Variants in SLAIN1 observed in about 807,000 individuals in gnomAD.
SLAIN1 encodes SLAIN motif-containing protein 1.
SLAIN1 carries 17 observed loss-of-function variants against 55.4 expected under a neutral mutation model. That is an observed-to-expected ratio of 0.31 (90% CI 0.21 to 0.46). The LOEUF (loss-of-function observed/expected upper bound fraction) is 0.46, where lower values mean the gene tolerates loss of function less well. SLAIN1 is among the 20% of genes least tolerant of loss of function. The pLI, the probability that SLAIN1 is intolerant of heterozygous loss-of-function variation, is 1.00. For synonymous variants in SLAIN1, 348 were observed against 337.4 expected, an observed-to-expected ratio of 1.03 and a Z score of -0.35; for missense variants, 682 against 785.1, an observed-to-expected ratio of 0.87 and a Z score of 1.57.
chr13:77,714,270 A>G (rs958154532), intron 1 of SLAIN1, among the ~76,000 whole-genome samples: 5 of 152,130 alleles, frequency 3.3e-5, no homozygotes, highest in African/African-American at 1.2e-4. Flanking sequence ...TGTGGTATTC[A>G]TGGCTTTTTA....
chr13:77,753,888 G>T (rs965241741), intron 5 of SLAIN1, among the ~76,000 whole-genome samples: 2 of 151,910 alleles, frequency 1.3e-5, no homozygotes, highest in Non-Finnish European at 2.9e-5. Flanking sequence ...AGTAGTTTTT[G>T]TCCACTCTAT....
intron 5 of SLAIN1, among the ~76,000 whole-genome samples, chr13:77,756,616 A>G (rs1327151640): frequency 1.3e-5 from 2 of 152,170 alleles, no homozygotes; most frequent in South Asian, 2.1e-4. Flanking sequence ...ATGAGTGCAT[A>G]TGATCACCAA....
intron 4 of SLAIN1, among the ~76,000 whole-genome samples, chr13:77,748,398 CTTTTTTTTTTTTT>C (rs934265928): frequency 6.3e-5 from 5 of 79,564 alleles, no homozygotes; most frequent in Non-Finnish European, 9.7e-5. Context: ...TTCTCTAAAG[CTTTTTTTTTTTTT>C]TTTTTTTTTT....
At position 77,746,840 on chromosome 13, in the gene SLAIN1, A is replaced by G; in HGVS notation, c.1243A>G (p.Asn415Asp). 6.2e-7 allele frequency: 1 copy of G among 1,612,372 alleles called. No individual in the cohort carries two copies. Among genetic ancestry groups the G allele is most frequent in the Non-Finnish European group, 8.5e-7 (1 of 1,178,766 alleles). The change falls in exon 4 of 7, where the codon AAT becomes GAT. Residue 415 changes from asparagine (N) to aspartate (D), a missense_variant. By Grantham distance (23) the Asn-to-Asp change is conservative (BLOSUM62 1). Transcript: ENST00000418532. ...AGCCCAAACTCCAGATCAGCAACCA[A>G]ATAGGACCAATGGAGGTAGGTTGTA... ...PQAQTPDQQP[N>D]RTNGDKLRRS... is the part of the protein sequence containing the mutation.
At chr13:77,700,071 T>C (rs886575368) in intron 1 of SLAIN1, among the ~76,000 whole-genome samples, 2 of 152,242 alleles carry the variant, frequency 1.3e-5, no homozygotes, top group African/African-American at 4.8e-5. Context: ...AGTTTTATGC[T>C]TAAAATATTT....
intron 2 of SLAIN1, among the ~76,000 whole-genome samples, chr13:77,742,315 T>A (rs1359187918): frequency 6.6e-6 from 1 of 152,028 alleles, no homozygotes; most frequent in African/African-American, 2.4e-5. Flanking sequence ...AATATGTATG[T>A]TTAATGCAGA....
chr13:77,703,921 AT>A (rs530688108), intron 1 of SLAIN1, among the ~76,000 whole-genome samples: 25 of 119,494 alleles, frequency 2.1e-4, no homozygotes, highest in South Asian at 5.3e-4. Flanking sequence ...ACACATATAT[AT>A]TTTTATATGT....
chr13:77,742,271 T>C (rs993235545), intron 2 of SLAIN1, among the ~76,000 whole-genome samples: 4 of 152,076 alleles, frequency 2.6e-5, no homozygotes, highest in African/African-American at 9.7e-5. Context: ...TAATAACATG[T>C]ATATTCCTAC....
intron 4 of SLAIN1, among the ~76,000 whole-genome samples, chr13:77,752,494 C>T (rs1018271330): frequency 4.6e-5 from 7 of 151,916 alleles, no homozygotes; most frequent in Non-Finnish European, 8.8e-5. Flanking sequence ...AGTTAGGGTT[C>T]TCTAGAGGGA....
intron 2 of SLAIN1, among the ~76,000 whole-genome samples, chr13:77,741,005 T>C (rs1873399838): frequency 6.6e-6 from 1 of 152,096 alleles, no homozygotes; most frequent in Admixed American, 6.6e-5. Context: ...TAGACGCTAA[T>C]TGTGTTCCTA....
chr13:77,725,788 C>T (rs971442608), intron 2 of SLAIN1, among the ~76,000 whole-genome samples: 10 of 152,120 alleles, frequency 6.6e-5, no homozygotes, highest in Non-Finnish European at 1.3e-4. Flanking sequence ...AAGTTAGCCA[C>T]GGTGGTAAGT....
At chr13:77,760,742 T>C (rs1874948415) in intron 5 of SLAIN1, 86 bp from the exon 6 acceptor site, 1 of 1,421,658 alleles carries the variant, frequency 7.0e-7, no homozygotes, top group South Asian at 1.3e-5. Flanking sequence ...CTCTCAGGCA[T>C]AATGGACTCT....
At chr13:77,703,608 A>G (rs2091052455) in intron 1 of SLAIN1, among the ~76,000 whole-genome samples, 1 of 151,970 alleles carries the variant, frequency 6.6e-6, no homozygotes, top group Admixed American at 6.6e-5. Context: ...GGTGGAGGGA[A>G]AGTTTGTTAT....
chr13:77,735,054 A>AT (rs1414161784), intron 2 of SLAIN1, among the ~76,000 whole-genome samples: 3 of 152,014 alleles, frequency 2.0e-5, no homozygotes, highest in Admixed American at 6.6e-5. Flanking sequence ...AAATAAATAA[A>AT]AAAGAATGTA....
Position 77,698,246 on chromosome 13 carries a change from T to G in SLAIN1, c.333T>G (p.Gly111=). Reference sequence around the variant, plus strand: ...GCGCGGGGGGCGGTGGCGGCAGCGGTAGTGGCAGCGGCGGTGGCTCCAGCC... The same window carrying G: ...GCGCGGGGGGCGGTGGCGGCAGCGGGAGTGGCAGCGGCGGTGGCTCCAGCC... ...ALGAGGGGGS[G]SGSGGGSSPA... The change falls in exon 1 of 7, where the codon GGT becomes GGG. Residue 111 remains glycine, a synonymous_variant. Transcript: ENST00000418532. The surrounding 1 kb of genome is among the most constrained non-coding windows in gnomAD (Gnocchi z 4.1). 7.3e-7 allele frequency: 1 copy of G among 1,379,144 alleles called. No individual in the cohort carries two copies. The highest frequency in any genetic ancestry group is 9.4e-7 in the Non-Finnish European group (1 of 1,061,128). 85.4% of individuals were successfully genotyped at this position (1,379,144 alleles called of 1,614,324 possible). A position where few individuals can be genotyped will look rare whatever the true frequency, so the allele number is the denominator to read the frequency against.
intron 2 of SLAIN1, among the ~76,000 whole-genome samples, chr13:77,732,145 A>T (rs1366579832): frequency 6.6e-6 from 1 of 152,170 alleles, no homozygotes; most frequent in Non-Finnish European, 1.5e-5. Context: ...GCCATAACTC[A>T]AAGAAGAGTC....
In SLAIN1 at chr13:77,698,549, G is replaced by A; in HGVS notation, c.626+10G>A. 2.1e-6 allele frequency: 3 copies of A among 1,414,884 alleles called. No individual in the cohort carries two copies. Among genetic ancestry groups the A allele is most frequent in the Non-Finnish European group, 2.7e-6 (3 of 1,094,546 alleles). The allele number at this position is 1,414,884 out of a possible 1,614,324, so 87.6% of individuals were successfully genotyped here. On this transcript the variant is annotated intron_variant, in intron 1 of 6. Coordinates refer to ENST00000418532, the MANE Select transcript of SLAIN1 (RefSeq NM_001242868.2). The surrounding 1 kb of genome is among the most constrained non-coding windows in gnomAD (Gnocchi z 4.1). ...AGGACGACTACACCTGGTACTGCCT[G>A]GCTCCGCTCCTTCCCCGAGACCCTG... is the stretch of plus-strand genomic sequence containing the variant.
chr13:77,715,509 C>A (rs1469628995), intron 1 of SLAIN1, among the ~76,000 whole-genome samples: 1 of 152,030 alleles, frequency 6.6e-6, no homozygotes, highest in Non-Finnish European at 1.5e-5. Context: ...TAAGAAGCTG[C>A]CAAACTCTTT....
At chr13:77,717,006 A>G (rs1177147734) in intron 1 of SLAIN1, among the ~76,000 whole-genome samples, 3 of 152,150 alleles carry the variant, frequency 2.0e-5, no homozygotes, top group African/African-American at 4.8e-5. Flanking sequence ...GATGCCTTCA[A>G]TCAGGTTGAG....
Sources: allele counts gnomAD v4.1 joint callset (sites outside exome capture counted in the v4.1 genomes callset), GRCh38; gene constraint gnomAD v4.1.1; non-coding constraint Gnocchi (gnomAD v3.1); transcripts MANE v1.5; gene names NCBI Gene and HGNC (gene_info 2026-07-23, HGNC 2026-07-21).